ZNF398: variants seen among roughly 807,000 people sequenced by gnomAD.
The protein encoded by ZNF398 is zinc finger DNA binding protein ZER6.
In ZNF398, 18 loss-of-function variants were observed where a neutral mutation model predicts 41.9. That is an observed-to-expected ratio of 0.43 (90% CI 0.30 to 0.64). The LOEUF is 0.64. ZNF398 is among the 30% of genes least tolerant of loss of function. The pLI, the probability that ZNF398 is intolerant of heterozygous loss-of-function variation, is 0.14. For missense variants in ZNF398, 669 were observed against 822.8 expected (o/e 0.81, Z 2.29); for synonymous variants, 260 against 308.8 (o/e 0.84, Z 1.66).
chr7:149,167,898 A>G (rs567187502), intron 4 of ZNF398, among the ~76,000 whole-genome samples: 22 of 151,896 alleles, frequency 1.4e-4, no homozygotes, highest in African/African-American at 5.3e-4. Context: ...GGCCTGAGCC[A>G]CCGCCACATT....
chr7:149,147,274 A>C (rs1826966869), upstream of ZNF398: 1 of 152,290 alleles, frequency 6.6e-6, no homozygotes, highest in African/African-American at 2.4e-5. This position sits in a 1 kb window ranked among gnomAD's most constrained non-coding sequence, Gnocchi z 5.6. Context: ...GAATGTGAGA[A>C]AGCGGAACAC....
chr7:149,153,175 A>G (rs1047349442), intron 1 of ZNF398, among the ~76,000 whole-genome samples: 2 of 152,056 alleles, frequency 1.3e-5, no homozygotes, highest in African/African-American at 4.8e-5. Context: ...CTTTTTTTGA[A>G]TAGTTCAACA....
intron 2 of ZNF398, among the ~76,000 whole-genome samples, chr7:149,156,179 C>T (rs939228909): frequency 6.6e-6 from 1 of 151,946 alleles, no homozygotes; most frequent in African/African-American, 2.4e-5. Context: ...TGGACAGATG[C>T]AGGATGTTTG....
chr7:149,148,950 T>G (rs1165717120), intron 1 of ZNF398, among the ~76,000 whole-genome samples: 1 of 137,050 alleles, frequency 7.3e-6, no homozygotes, highest in Admixed American at 8.3e-5. Flanking sequence ...TCTTCCAGTG[T>G]GGCCCAGGGA....
chr7:149,176,854 AAAGACAG>A (rs1445614036), intron 5 of ZNF398, among the ~76,000 whole-genome samples: 1 of 152,226 alleles, frequency 6.6e-6, no homozygotes, highest in Non-Finnish European at 1.5e-5. Flanking sequence ...GGGGATGGGG[AAAGACAG>A]AAGACGATTT....
intron 4 of ZNF398, among the ~76,000 whole-genome samples, chr7:149,170,404 A>G (rs1432510479): frequency 6.6e-6 from 1 of 152,170 alleles, no homozygotes; most frequent in African/African-American, 2.4e-5. Context: ...TTGTAAACAC[A>G]TGTAAAGATA....
At chr7:149,141,072 T>C (rs527897987) in intron 2 of ZNF398, among the ~76,000 whole-genome samples, 110 of 151,378 alleles carry the variant, frequency 7.3e-4, no homozygotes, top group African/African-American at 2.4e-3. Flanking sequence ...AATCCCTATT[T>C]GGTAATTTTT....
chr7:149,148,049 G>A, intron 1 of ZNF398: 1 of 358,242 alleles, frequency 2.8e-6, no homozygotes, highest in East Asian at 4.1e-5. Flanking sequence ...TCGAGGGGGT[G>A]CCTGCTGCGT....
chr7:149,133,976 C>T (rs1409272232), intron 2 of ZNF398, among the ~76,000 whole-genome samples: 4 of 150,404 alleles, frequency 2.7e-5, no homozygotes, highest in Admixed American at 1.3e-4. Flanking sequence ...ATCTCGAACT[C>T]CTGACCTCAG....
At chr7:149,173,706 C>T (rs942611982) in intron 4 of ZNF398, among the ~76,000 whole-genome samples, 28 of 151,480 alleles carry the variant, frequency 1.8e-4, no homozygotes, top group African/African-American at 6.5e-4. Flanking sequence ...TTCTGTAAAC[C>T]GTGCTGTAAC....
chr7:149,128,486 T>C (rs946608557), intron 1 of ZNF398, among the ~76,000 whole-genome samples: 11 of 151,930 alleles, frequency 7.2e-5, no homozygotes, highest in African/African-American at 2.7e-4. Context: ...GTAGCTCACG[T>C]CTGTAATCCC....
At chr7:149,159,694 A>G (rs1795060748) in intron 2 of ZNF398, among the ~76,000 whole-genome samples, 1 of 151,742 alleles carries the variant, frequency 6.6e-6, no homozygotes, top group Non-Finnish European at 1.5e-5. Context: ...GCCAAGTTCC[A>G]GGTCCAAAAT....
rs1826694759 is a variant in ZNF398, at chr7:149,135,657, AG to A, written c.-490+6714del. 9.1e-5 allele frequency among the ~76,000 whole-genome samples: 9 copies of A among 99,266 alleles called. No homozygotes were observed. The South Asian group carries it at 4.8e-3, about 53-fold the overall frequency. The allele number at this position is 99,266 out of a possible 152,430, so 65.1% of individuals were successfully genotyped here. A position where few individuals can be genotyped will look rare whatever the true frequency, so the allele number is the denominator to read the frequency against. On this transcript the variant is annotated intron_variant, in intron 2 of 6. Transcript: ENST00000426851. ...CACTACCTGTTCCCCAAAAACTATT[AG>A]AATAATAATAATAGTCCGGGTGCGG...
chr7:149,154,453 T>C, intron 2 of ZNF398, 113 bp downstream of exon 2: 1 of 1,226,136 alleles, frequency 8.2e-7, no homozygotes, highest in Non-Finnish European at 1.1e-6. Context: ...TCTTAAAATA[T>C]CTCAGTCTGA....
chr7:149,158,976 T>C (rs895919160), intron 2 of ZNF398, among the ~76,000 whole-genome samples: 3 of 151,910 alleles, frequency 2.0e-5, no homozygotes, highest in Non-Finnish European at 2.9e-5. Context: ...TAATGTGATT[T>C]CCCTTAAAGA....
intron 1 of ZNF398, among the ~76,000 whole-genome samples, chr7:149,149,129 T>C (rs944872007): frequency 6.6e-6 from 1 of 151,758 alleles, no homozygotes; most frequent in South Asian, 2.1e-4. Context: ...GTCTCTAAAA[T>C]AAAAAAAATT....
chr7:149,157,823 T>A (rs13241620), intron 2 of ZNF398, among the ~76,000 whole-genome samples: 2 of 125,218 alleles, frequency 1.6e-5, no homozygotes, highest in Admixed American at 1.6e-4. Flanking sequence ...GGCGACAGAG[T>A]AAGACTCTGT....
At chr7:149,130,217 TC>T (rs1826570490) in intron 2 of ZNF398, among the ~76,000 whole-genome samples, 1 of 152,144 alleles carries the variant, frequency 6.6e-6, no homozygotes, top group Non-Finnish European at 1.5e-5. Context: ...CACCTCAGCC[TC>T]CTGAGTAGGT....
At chr7:149,130,023 T>C (rs554082391) in intron 2 of ZNF398, among the ~76,000 whole-genome samples, 2 of 152,076 alleles carry the variant, frequency 1.3e-5, no homozygotes, top group East Asian at 1.9e-4. Context: ...GGTCTCGAAC[T>C]CCCAACCTCA....
Sources: gnomAD v4.1 joint callset for allele counts (sites outside exome capture counted in the v4.1 genomes callset) on GRCh38, gnomAD v4.1.1 for gene constraint, Gnocchi (gnomAD v3.1) non-coding constraint, MANE v1.5 for transcripts, NCBI Gene and HGNC (gene_info 2026-07-23, HGNC 2026-07-21) for gene names.